The following SLC24A2 variants were observed in gnomAD, a reference collection of about 807,000 sequenced individuals.
SLC24A2 encodes solute carrier family 24 member 2.
A neutral mutation model predicts 62.0 loss-of-function variants in SLC24A2; 36 were observed. The observed-to-expected ratio is 0.58, with a 90% CI of 0.44 to 0.77. The LOEUF is 0.77. Among genes scored for constraint, SLC24A2 ranks in the 30% least tolerant of loss-of-function variants. The probability of loss-of-function intolerance (pLI) is 0.00; values close to 1 mark genes in which losing one functional copy is unlikely to be tolerated. For synonymous variants in SLC24A2, 358 were observed against 294.0 expected (o/e 1.22, Z -2.23); for missense variants, 846 against 817.9 (o/e 1.03, Z -0.42).
intron 4 of SLC24A2, among the ~76,000 whole-genome samples, chr9:19,604,703 G>A (rs975266948): frequency 3.3e-5 from 5 of 152,112 alleles, no homozygotes; most frequent in African/African-American, 4.8e-5. Flanking sequence ...AGAAATATGA[G>A]AGGGCAAGGG....
intron 4 of SLC24A2, among the ~76,000 whole-genome samples, chr9:19,613,848 T>G (rs549390400): frequency 3.3e-5 from 5 of 152,278 alleles, no homozygotes; most frequent in African/African-American, 1.2e-4. Flanking sequence ...AGGTTCAAAT[T>G]CTGGCTCTGC....
the SLC24A2 span, among the ~76,000 whole-genome samples, chr9:19,870,629 G>A: frequency 6.6e-6 from 1 of 152,080 alleles, no homozygotes; most frequent in Admixed American, 6.6e-5. Flanking sequence ...CCCACCAGCA[G>A]TGTATGTGGA....
the SLC24A2 span, among the ~76,000 whole-genome samples, chr9:19,859,881 A>T: frequency 1.3e-5 from 2 of 152,214 alleles, no homozygotes; most frequent in African/African-American, 4.8e-5. Flanking sequence ...TGATGCCCAC[A>T]TAAGGAGGGT....
chr9:20,117,888 A>G, the SLC24A2 span, among the ~76,000 whole-genome samples: 17 of 152,172 alleles, frequency 1.1e-4, no homozygotes, highest in African/African-American at 4.1e-4. Flanking sequence ...ATGAAGAAAG[A>G]GGGCATCAGA....
At chr9:20,255,694 TC>T in the SLC24A2 span, among the ~76,000 whole-genome samples, 1 of 152,114 alleles carries the variant, frequency 6.6e-6, no homozygotes, top group African/African-American at 2.4e-5. Flanking sequence ...GTTGCTTAGA[TC>T]TTTAGAGTTG....
At chr9:19,591,493 G>C (rs1836551626) in intron 5 of SLC24A2, among the ~76,000 whole-genome samples, 2 of 152,196 alleles carry the variant, frequency 1.3e-5, no homozygotes, top group African/African-American at 4.8e-5. Context: ...AAATTGCCTT[G>C]AAACTAGGTA....
chr9:20,279,643 G>A, the SLC24A2 span, among the ~76,000 whole-genome samples: 1 of 152,330 alleles, frequency 6.6e-6, no homozygotes, highest in East Asian at 1.9e-4. Flanking sequence ...TCTTCTGCTG[G>A]ACTAATAGTT....
chr9:20,243,138 G>A, the SLC24A2 span, among the ~76,000 whole-genome samples: 1 of 152,034 alleles, frequency 6.6e-6, no homozygotes, highest in Non-Finnish European at 1.5e-5. Context: ...CATATTGTGG[G>A]TGTTTTTACT....
At chr9:20,107,833 A>G in the SLC24A2 span, among the ~76,000 whole-genome samples, 1 of 152,180 alleles carries the variant, frequency 6.6e-6, no homozygotes, top group African/African-American at 2.4e-5. Flanking sequence ...ACAAAAGCCA[A>G]AATTGACAAA....
At chr9:19,822,041 T>G in the SLC24A2 span, among the ~76,000 whole-genome samples, 2 of 152,132 alleles carry the variant, frequency 1.3e-5, no homozygotes, top group African/African-American at 4.8e-5. Context: ...TAGCAGTGGT[T>G]CCCAACATTT....
At chr9:19,849,723 G>T in the SLC24A2 span, among the ~76,000 whole-genome samples, 5 of 152,084 alleles carry the variant, frequency 3.3e-5, no homozygotes, top group East Asian at 9.6e-4. Flanking sequence ...CCAACTAAAC[G>T]TCTCTGTCCT....
chr9:19,914,944 T>TA, the SLC24A2 span, among the ~76,000 whole-genome samples: 39 of 152,074 alleles, frequency 2.6e-4, no homozygotes, highest in Middle Eastern at 0.02. Context: ...TTTAATAATT[T>TA]AAAAAAAAGA....
chr9:19,565,726 T>C (rs1179301233), intron 7 of SLC24A2, among the ~76,000 whole-genome samples: 1 of 152,148 alleles, frequency 6.6e-6, no homozygotes, highest in Non-Finnish European at 1.5e-5. Flanking sequence ...ACTACAAGGC[T>C]ACAGTAACCA....
At chr9:20,022,818 A>G in the SLC24A2 span, among the ~76,000 whole-genome samples, 1 of 152,204 alleles carries the variant, frequency 6.6e-6, no homozygotes, top group Non-Finnish European at 1.5e-5. Context: ...TCTATTTGCT[A>G]ATAAAAAATA....
chr9:19,735,208 A>G (rs2118736276), intron 2 of SLC24A2, among the ~76,000 whole-genome samples: 1 of 152,336 alleles, frequency 6.6e-6, no homozygotes, highest in South Asian at 2.1e-4. Flanking sequence ...ATATGAACAG[A>G]CACTTCTCAA....
At chr9:19,563,693 C>T (rs984086514) in intron 7 of SLC24A2, among the ~76,000 whole-genome samples, 1 of 141,774 alleles carries the variant, frequency 7.1e-6, no homozygotes, top group Non-Finnish European at 1.5e-5. Flanking sequence ...TTCCTCCCTC[C>T]CTCCCTTACT....
chr9:19,743,332 GAATTTT>G (rs1032675006), intron 2 of SLC24A2, among the ~76,000 whole-genome samples: 1 of 152,106 alleles, frequency 6.6e-6, no homozygotes, highest in African/African-American at 2.4e-5. Context: ...AAATTATAGA[GAATTTT>G]AATTAGCTGC....
chr9:20,231,046 A>C, the SLC24A2 span, among the ~76,000 whole-genome samples: 1 of 152,004 alleles, frequency 6.6e-6, no homozygotes, highest in Non-Finnish European at 1.5e-5. Flanking sequence ...ATAGTTGTAG[A>C]TATGCCGCAT....
chr9:20,236,988 A>C, the SLC24A2 span, among the ~76,000 whole-genome samples: 3 of 151,994 alleles, frequency 2.0e-5, no homozygotes, highest in South Asian at 6.2e-4. Context: ...ACAGACAAAC[A>C]CAATAAGCAA....
Sources: allele counts gnomAD v4.1 joint callset (sites outside exome capture counted in the v4.1 genomes callset), GRCh38; gene constraint gnomAD v4.1.1; transcripts MANE v1.5; gene names NCBI Gene and HGNC (gene_info 2026-07-23, HGNC 2026-07-21).